MPDU1: variants seen among roughly 807,000 people sequenced by gnomAD.
MPDU1 encodes mannose-P-dolichol utilization defect 1 protein.
A neutral mutation model predicts 27.6 loss-of-function variants in MPDU1; 18 were observed. The ratio of observed to expected loss-of-function variants is 0.65; its 90% CI spans 0.45 to 0.97. MPDU1 has a LOEUF of 0.97. Among genes scored for constraint, MPDU1 ranks in the 50% least tolerant of loss-of-function variants. MPDU1 has a pLI of 0.00. For missense variants in MPDU1, 279 were observed against 297.4 expected (o/e 0.94, Z 0.46); for synonymous variants, 142 against 131.1 (o/e 1.08, Z -0.57).
intron 1 of MPDU1, among the ~76,000 whole-genome samples, chr17:7,585,206 G>T (rs986265628): frequency 1.3e-5 from 2 of 152,056 alleles, no homozygotes; most frequent in African/African-American, 4.8e-5. Flanking sequence ...TTGGATGTGG[G>T]GGGTGGTAGG....
At chr17:7,585,608 T>TC (rs1467947794) in intron 1 of MPDU1, 124 bp from the exon 2 acceptor site, 5 of 871,088 alleles carry the variant, frequency 5.7e-6, no homozygotes, top group Non-Finnish European at 7.6e-6. Context: ...CCGCCTCTCC[T>TC]CCCCCCAAGA....
rs1211281355 is a variant in MPDU1, at chr17:7,587,543, G to T, written c.736G>T (p.Ala246Ser). The T allele has an allele frequency of 6.2e-7, 1 of 1,613,624 alleles. No homozygotes were observed. The highest frequency in any genetic ancestry group is 8.5e-7 in the Non-Finnish European group (1 of 1,179,922). The change falls in exon 7 of 7, where the codon GCG (alanine) becomes TCG (serine). Residue 246 changes from alanine to serine, a missense_variant. Coordinates refer to ENST00000250124, the MANE Select transcript of MPDU1 (RefSeq NM_004870.4). ...NAKPPHKQKK[A>S]Q ...AAAGCCTCCCCACAAGCAGAAAAAG[G>T]CGCAGTAGAGCCAGCTACTGGAGTC...
In MPDU1 at chr17:7,586,510, G is replaced by A. The variant is rs771861156; in HGVS notation, c.303-182G>A. ...TTTAGAAACCTAATCATCACCAGTGGAGGTGATCTTGAGAAGGGGTGAGCA... is the reference window on the plus strand; with the variant it reads ...TTTAGAAACCTAATCATCACCAGTGAAGGTGATCTTGAGAAGGGGTGAGCA... On this transcript the variant is annotated intron_variant, in intron 3 of 6. Transcript: ENST00000250124. 17 of 691,118 alleles carry A rather than the reference G, an allele frequency of 2.5e-5. No individual in the cohort carries two copies. The Admixed American group carries it at 2.8e-4, about 12-fold the overall frequency. The allele number at this position is 691,118 out of a possible 1,614,324, so 42.8% of individuals were successfully genotyped here.
At chr17:7,585,651 C>T (rs750013942) in intron 1 of MPDU1, 81 bp from the exon 2 acceptor site, 15 of 1,407,150 alleles carry the variant, frequency 1.1e-5, no homozygotes, top group African/African-American at 2.8e-5. Context: ...TAAGGGGGCT[C>T]GGGGAGAGCC....
rs1214527916 is a variant in MPDU1 at position 7,588,025 on chromosome 17, G to C, written c.*474G>C. 3 of 496,482 alleles carry C rather than the reference G, an allele frequency of 6.0e-6. No individual in the cohort carries two copies. The highest frequency in any genetic ancestry group is 3.9e-5 in the African/African-American group (2 of 51,654). 30.8% of individuals were successfully genotyped at this position (496,482 alleles called of 1,614,324 possible). A position where few individuals can be genotyped will look rare whatever the true frequency, so the allele number is the denominator to read the frequency against. On this transcript the variant is annotated 3_prime_UTR_variant, in exon 7 of 7. Coordinates refer to ENST00000250124, the MANE Select transcript of MPDU1 (RefSeq NM_004870.4). Reference sequence around the variant, plus strand: ...GTCTCCCGGACCCCAGTGCTGGGGTGGGGGAAGGGGGACGGAGAATGACTC... The same window carrying C: ...GTCTCCCGGACCCCAGTGCTGGGGTCGGGGAAGGGGGACGGAGAATGACTC...
chr17:7,584,762 C>G (rs1010218341), intron 1 of MPDU1, among the ~76,000 whole-genome samples: 1 of 152,152 alleles, frequency 6.6e-6, no homozygotes, highest in African/African-American at 2.4e-5. Flanking sequence ...GAGGCCGAAG[C>G]GGGTGGATCA....
At chr17:7,586,584 G>A (rs1355001083) in intron 3 of MPDU1, 108 bp from the exon 4 acceptor site, 1 of 982,904 alleles carries the variant, frequency 1.0e-6, no homozygotes, top group Non-Finnish European at 1.6e-6. Context: ...TGTGGGGGCT[G>A]TAGAGAAGCG....
At position 7,584,110 on chromosome 17, in the gene MPDU1, C is replaced by T. The variant is rs2071541482; in HGVS notation, c.103+145C>T. On this transcript the variant is annotated intron_variant, in intron 1 of 6. Transcript: ENST00000250124. ...TCACTTCTGAGAAGGGCGGAAGTGT[C>T]TCGGGCTCCTTAGAGGGAGGACACC... is the stretch of plus-strand genomic sequence containing the variant. The T allele has an allele frequency of 8.1e-5, 67 of 822,296 alleles. 2 individuals are homozygous for T. In the South Asian group the frequency reaches 8.9e-4, roughly 11 times the overall value. 50.9% of individuals were successfully genotyped at this position (822,296 alleles called of 1,614,324 possible).
chr17:7,584,886 G>A (rs1277594228), intron 1 of MPDU1, among the ~76,000 whole-genome samples: 1 of 152,260 alleles, frequency 6.6e-6, no homozygotes. Flanking sequence ...CCAGCTACTC[G>A]GGAGGCTGAG....
chr17:7,587,123 T>C lies in MPDU1; in HGVS notation c.508-38T>C, dbSNP rs372968763. 48 of 1,604,964 alleles carry C rather than the reference T, an allele frequency of 3.0e-5. No homozygotes were observed. In the East Asian group the frequency reaches 5.4e-4, roughly 18 times the overall value. On this transcript the variant is annotated intron_variant, in intron 5 of 6. Transcript: ENST00000250124. ...GTACTTGGGGGAGCATGGGAAGAGC[T>C]CAGGTGACAGAGCCAAAGGTCTCAA... is the stretch of plus-strand genomic sequence containing the variant.
chr17:7,586,167 C>T lies in MPDU1; in HGVS notation c.302+89C>T, dbSNP rs544007193. 7.1e-4 allele frequency: 1,080 copies of T among 1,528,938 alleles called. 4 individuals are homozygous for T. Among genetic ancestry groups the T allele is most frequent in the Non-Finnish European group, 7.2e-4 (809 of 1,120,014 alleles). 94.7% of individuals were successfully genotyped at this position (1,528,938 alleles called of 1,614,324 possible). On this transcript the variant is annotated intron_variant, in intron 3 of 6. Transcript: ENST00000250124. ...GGAGGTTACAAGGCAGCAAAGTGGC[C>T]GGGCCCAGTGGCTTGCACCTGTAAC...
Position 7,586,983 on chromosome 17 carries a change from A to T in MPDU1, c.473A>T (p.Gln158Leu). 1 of 1,558,762 alleles carries T rather than the reference A, an allele frequency of 6.4e-7. No homozygotes were observed. The highest frequency in any genetic ancestry group is 8.7e-7 in the Non-Finnish European group (1 of 1,149,758). Residue 158 changes from glutamine to leucine, a missense_variant, in exon 5 of 7, where the codon CAG (glutamine) becomes CTG (leucine). Transcript: ENST00000250124. ...CCCTTGACTGTAGTCACCCTGCTCC[A>T]GGCCTCCAATGTGCCTGCTGTGGTG... Reference protein sequence around the residue: ...LTPLTVVTLLQASNVPAVVVG... With the variant: ...LTPLTVVTLLLASNVPAVVVG...
upstream of MPDU1, chr17:7,583,800 G>A (rs759410991): frequency 7.7e-6 from 12 of 1,552,280 alleles, no homozygotes; most frequent in Non-Finnish European, 9.8e-6. Flanking sequence ...AGTGTCCGCA[G>A]CGCGCACGCG....
Position 7,587,507 on chromosome 17 carries a change from T to A in MPDU1, c.700T>A (p.Tyr234Asn), listed in dbSNP as rs150408854. 6.2e-7 allele frequency: 1 copy of A among 1,613,520 alleles called. No individual in the cohort carries two copies. Among genetic ancestry groups the A allele is most frequent in the African/African-American group, 1.3e-5 (1 of 74,736 alleles). Reference protein sequence around the residue: ...NGLIAAQLLFYWNAKPPHKQK... With the variant: ...NGLIAAQLLFNWNAKPPHKQK... Reference sequence around the variant, plus strand: ...CCTCATCGCCGCCCAGCTGCTCTTCTACTGGAATGCAAAGCCTCCCCACAA... The same window carrying A: ...CCTCATCGCCGCCCAGCTGCTCTTCAACTGGAATGCAAAGCCTCCCCACAA... The change falls in exon 7 of 7, where the codon TAC (tyrosine) becomes AAC (asparagine). Residue 234 changes from tyrosine to asparagine, a missense_variant. Physicochemically the swap from Tyr to Asn is moderately radical, Grantham distance 143. Transcript: ENST00000250124.
intron 1 of MPDU1, among the ~76,000 whole-genome samples, chr17:7,584,918 G>C (rs532039362): frequency 6.6e-5 from 10 of 152,166 alleles, no homozygotes; most frequent in Non-Finnish European, 1.3e-4. Context: ...GCTTAAACCC[G>C]GGAGACAGAG....
chr17:7,585,621 A>G, intron 1 of MPDU1, 111 bp from the exon 2 acceptor site: 1 of 1,018,202 alleles, frequency 9.8e-7, no homozygotes, highest in South Asian at 1.3e-5. Context: ...CCCCAAGACA[A>G]TGCAAGACCC....
At position 7,586,955 on chromosome 17, in the gene MPDU1, A is replaced by C; in HGVS notation, c.445A>C (p.Thr149Pro). The change falls in exon 5 of 7, where the codon ACG (threonine) becomes CCG (proline). Residue 149 changes from threonine to proline, a missense_variant. Physicochemically the swap from Thr to Pro is conservative, Grantham distance 38 (BLOSUM62 -1). Coordinates refer to ENST00000250124, the MANE Select transcript of MPDU1 (RefSeq NM_004870.4). ...LVLLVLLSPL[T>P]PLTVVTLLQA... Reference sequence around the variant, plus strand: ...CCTGCTGGTGCTTCTCTCACCTCTGACGCCCTTGACTGTAGTCACCCTGCT... The same window carrying C: ...CCTGCTGGTGCTTCTCTCACCTCTGCCGCCCTTGACTGTAGTCACCCTGCT... 6.2e-7 allele frequency: 1 copy of C among 1,607,978 alleles called. No homozygotes were observed. Among genetic ancestry groups the C allele is most frequent in the Non-Finnish European group, 8.5e-7 (1 of 1,177,938 alleles).
chr17:7,583,852 A>G lies in MPDU1; in HGVS notation c.-11A>G. 3 of 1,613,984 alleles carry G rather than the reference A, an allele frequency of 1.9e-6. No homozygotes were observed. The highest frequency in any genetic ancestry group is 2.5e-6 in the Non-Finnish European group (3 of 1,179,844). ...CGGTCTGGAGAGACTGGCGGAAGCTAGCTTTGCAATATGGCGGCCGAGGCG... is the reference window on the plus strand; with the variant it reads ...CGGTCTGGAGAGACTGGCGGAAGCTGGCTTTGCAATATGGCGGCCGAGGCG... On this transcript the variant is annotated 5_prime_UTR_variant, in exon 1 of 7. Transcript: ENST00000250124.
chr17:7,587,574 G>C lies in MPDU1; in HGVS notation c.*23G>C. On this transcript the variant is annotated 3_prime_UTR_variant, in exon 7 of 7. Transcript: ENST00000250124. ...TAGAGCCAGCTACTGGAGTCATTCC[G>C]TTTCCACTCATTCACCCAACCTCAG... is the stretch of plus-strand genomic sequence containing the variant. 6.2e-7 allele frequency: 1 copy of C among 1,613,408 alleles called. No homozygotes were observed. The highest frequency in any genetic ancestry group is 8.5e-7 in the Non-Finnish European group (1 of 1,179,790).
Sources: allele counts gnomAD v4.1 joint callset (sites outside exome capture counted in the v4.1 genomes callset), GRCh38; gene constraint gnomAD v4.1.1; transcripts MANE v1.5; gene names NCBI Gene and HGNC (gene_info 2026-07-23, HGNC 2026-07-21).